TAF1: variants seen among roughly 807,000 people sequenced by gnomAD.
The protein encoded by TAF1 is transcription initiation factor TFIID subunit 1.
Under a neutral mutation model 138.5 loss-of-function variants are expected in TAF1, and 2 were observed. The ratio of observed to expected loss-of-function variants is 0.01; its 90% CI spans 0.01 to 0.05. The LOEUF is 0.05. Ranked by LOEUF, TAF1 falls within the 10% of genes least tolerant of loss-of-function variation. The probability of loss-of-function intolerance (pLI) is 1.00; values close to 1 mark genes in which losing one functional copy is unlikely to be tolerated. For missense variants in TAF1, 709 were observed against 1,478.0 expected, an observed-to-expected ratio of 0.48 and a Z score of 8.53; for synonymous variants, 437 against 503.2, an observed-to-expected ratio of 0.87 and a Z score of 1.76.
At chrX:71,507,469 A>G (rs2039648937) in intron 13 of TAF1, among the ~76,000 whole-genome samples, 1 of 111,610 alleles carries the variant, frequency 9.0e-6, no homozygotes, top group Non-Finnish European at 1.9e-5. Flanking sequence ...GCCTCAAGCA[A>G]TCCTCTCACC....
intron 13 of TAF1, among the ~76,000 whole-genome samples, chrX:71,496,148 G>T (rs1021359547): frequency 8.9e-6 from 1 of 112,197 alleles, no homozygotes; most frequent in African/African-American, 3.2e-5. Context: ...AATACCCATT[G>T]TGTCTTTTTC....
intron 13 of TAF1, among the ~76,000 whole-genome samples, chrX:71,476,899 C>CTAGA (rs2038989139): frequency 9.1e-6 from 1 of 110,050 alleles, no homozygotes; most frequent in Non-Finnish European, 1.9e-5. Context: ...AAAAATCAAT[C>CTAGA]TAGATGGATA....
chrX:71,502,853 G>A (rs1010923146), intron 13 of TAF1, among the ~76,000 whole-genome samples: 45 of 110,753 alleles, frequency 4.1e-4, no homozygotes, highest in Admixed American at 3.6e-3. Context: ...CAGGAGAATC[G>A]CTTGAACCCA....
chrX:71,486,381 C>A (rs1227592123), intron 13 of TAF1, among the ~76,000 whole-genome samples: 4 of 110,173 alleles, frequency 3.6e-5, no homozygotes, highest in African/African-American at 1.3e-4. Flanking sequence ...GTTTTAGACA[C>A]AGGATCTTGC....
chrX:71,460,966 T>C (rs1039493294), intron 37 of TAF1, 163 bp downstream of exon 37: 1 of 672,075 alleles, frequency 1.5e-6, no homozygotes, highest in Non-Finnish European at 2.2e-6. Flanking sequence ...GCAAAACATA[T>C]CCTGCCCTTG....
chrX:71,393,601 T>C (rs1173965077), intron 21 of TAF1, 125 bp downstream of exon 21: 1 of 936,783 alleles, frequency 1.1e-6, no homozygotes, highest in Non-Finnish European at 1.4e-6. Context: ...ATCTGACATG[T>C]CAGGGTAGTA....
chrX:71,489,192 G>C (rs1375347846), intron 13 of TAF1, among the ~76,000 whole-genome samples: 1 of 110,616 alleles, frequency 9.0e-6, no homozygotes, highest in Non-Finnish European at 1.9e-5. Flanking sequence ...TGTCCCTTTT[G>C]TTGCTATTGT....
intron 13 of TAF1, among the ~76,000 whole-genome samples, chrX:71,474,665 A>G: frequency 8.9e-6 from 1 of 112,256 alleles, no homozygotes. Flanking sequence ...ATTCCAGTGG[A>G]AAAGAACAGA....
At chrX:71,423,321 T>A (rs2036446544) in intron 30 of TAF1, 82 bp downstream of exon 30, 1 of 1,173,940 alleles carries the variant, frequency 8.5e-7, no homozygotes, top group African/African-American at 1.8e-5. Flanking sequence ...GTGTGTATTT[T>A]GGAGAGTCTG....
At chrX:71,485,161 CAG>C (rs1381067197) in intron 13 of TAF1, among the ~76,000 whole-genome samples, 2 of 112,165 alleles carry the variant, frequency 1.8e-5, no homozygotes, top group Non-Finnish European at 3.8e-5. Flanking sequence ...TCCATGGAAA[CAG>C]TGAGGTCAAT....
chrX:71,371,857 CT>C (rs1349917998), intron 3 of TAF1, among the ~76,000 whole-genome samples: 1 of 111,921 alleles, frequency 8.9e-6, no homozygotes, highest in African/African-American at 3.2e-5. Context: ...AATATTCACA[CT>C]TTTGTGAGAA....
At chrX:71,491,509 C>A (rs1772238231) in intron 13 of TAF1, among the ~76,000 whole-genome samples, 1 of 110,886 alleles carries the variant, frequency 9.0e-6, no homozygotes, top group Admixed American at 9.7e-5. Flanking sequence ...TAACGGCATT[C>A]TTTTTAAACT....
chrX:71,428,419 A>G (rs1031195069), intron 32 of TAF1, among the ~76,000 whole-genome samples: 12 of 111,946 alleles, frequency 1.1e-4, no homozygotes, highest in African/African-American at 3.9e-4. Context: ...CTTTATTGTC[A>G]AGTAGACTTG....
intron 23 of TAF1, among the ~76,000 whole-genome samples, chrX:71,398,004 AT>A: frequency 8.9e-6 from 1 of 112,076 alleles, no homozygotes; most frequent in South Asian, 3.7e-4. Flanking sequence ...GTTTTGTTCC[AT>A]TTTGGTCCTT....
intron 34 of TAF1, among the ~76,000 whole-genome samples, chrX:71,456,505 A>G (rs1362114745): frequency 9.0e-6 from 1 of 110,735 alleles, no homozygotes; most frequent in Non-Finnish European, 1.9e-5. Context: ...TCCTTACTTT[A>G]CTTACATTAC....
intron 13 of TAF1, among the ~76,000 whole-genome samples, chrX:71,471,461 C>CTT (rs1279972405): frequency 1.0e-4 from 9 of 87,326 alleles, no homozygotes; most frequent in Admixed American, 2.7e-4. Flanking sequence ...GAAATGGTCA[C>CTT]TTTTTTTTTT....
chrX:71,464,005 C>T lies in TAF1; in HGVS notation c.5581C>T (p.His1861Tyr). The change falls in exon 38 of 38, where the codon CAC (histidine) becomes TAC (tyrosine). Residue 1861 changes from histidine (H) to tyrosine (Y), a missense_variant. Around this residue, in one of 14 missense-constraint regions of TAF1, gnomAD observed 123 missense variants for 174.7 expected, o/e 0.70. Coordinates refer to ENST00000423759, the MANE Select transcript of TAF1 (RefSeq NM_004606.5). ...GGACGAGGAGGACAGTGAGGATTTC[C>T]ACTCCATTGCTGGGGACAGTGACTT... ...SEDEEDSEDF[H>Y]SIAGDSDLDS... The T allele has an allele frequency of 1.7e-6, 2 of 1,198,490 alleles. No individual in the cohort carries two copies. Among genetic ancestry groups the T allele is most frequent in the Admixed American group, 2.3e-5 (1 of 44,168 alleles).
chrX:71,506,717 A>G (rs2039635342), intron 13 of TAF1, among the ~76,000 whole-genome samples: 1 of 109,705 alleles, frequency 9.1e-6, no homozygotes, highest in African/African-American at 3.3e-5. Flanking sequence ...AAAAAAAAAA[A>G]TGCTATATAT....
At chrX:71,444,147 A>G (rs758326122) in intron 32 of TAF1, among the ~76,000 whole-genome samples, 3 of 110,647 alleles carry the variant, frequency 2.7e-5, no homozygotes, top group African/African-American at 9.9e-5. Context: ...AGCCGGGATT[A>G]CAGGTGCCTG....
Sources: allele counts gnomAD v4.1 joint callset (sites outside exome capture counted in the v4.1 genomes callset), GRCh38; gene constraint gnomAD v4.1.1; regional missense constraint gnomAD v4.1.1; transcripts MANE v1.5; gene names NCBI Gene and HGNC (gene_info 2026-07-23, HGNC 2026-07-21).